Variants in SND1 observed in about 807,000 individuals in gnomAD.
SND1 encodes the protein staphylococcal nuclease and tudor domain containing 1, also known as staphylococcal nuclease domain-containing protein 1.
Under a neutral mutation model 121.7 loss-of-function variants are expected in SND1, and 38 were observed. The ratio of observed to expected loss-of-function variants is 0.31; its 90% CI spans 0.24 to 0.41. SND1 has a LOEUF of 0.41. Among genes scored for constraint, SND1 ranks in the 10% least tolerant of loss-of-function variants. The probability of loss-of-function intolerance (pLI) is 1.00; values close to 1 mark genes in which losing one functional copy is unlikely to be tolerated. For missense variants in SND1, 868 were observed against 1,184.6 expected (o/e 0.73, Z 3.92); for synonymous variants, 401 against 447.4 (o/e 0.90, Z 1.31).
intron 10 of SND1, among the ~76,000 whole-genome samples, chr7:127,790,247 G>C (rs1243158244): frequency 6.6e-6 from 1 of 152,180 alleles, no homozygotes; most frequent in Non-Finnish European, 1.5e-5. Context: ...TGGGTGAGGA[G>C]GTCACCTTGT....
intron 12 of SND1, among the ~76,000 whole-genome samples, chr7:127,880,716 G>GGGGT (rs1554438727): frequency 1.6e-4 from 24 of 149,622 alleles, no homozygotes; most frequent in African/African-American, 4.2e-4. Context: ...AGAATGCAGG[G>GGGGT]GTGTGTGTGT....
intron 20 of SND1, among the ~76,000 whole-genome samples, chr7:128,086,105 A>C (rs1793683546): frequency 6.6e-6 from 1 of 152,214 alleles, no homozygotes; most frequent in Non-Finnish European, 1.5e-5. Flanking sequence ...TTACACCCAC[A>C]GTTCCTGGTG....
At chr7:127,759,648 T>C (rs1156855665) in intron 10 of SND1, among the ~76,000 whole-genome samples, 2 of 152,172 alleles carry the variant, frequency 1.3e-5, no homozygotes, top group South Asian at 2.1e-4. Flanking sequence ...ACCATCTCAG[T>C]TGATAAGCTC....
At chr7:127,815,292 A>G (rs1476780306) in intron 11 of SND1, among the ~76,000 whole-genome samples, 2 of 152,088 alleles carry the variant, frequency 1.3e-5, no homozygotes, top group Admixed American at 1.3e-4. Flanking sequence ...ATACTGGATT[A>G]TGATGGACCC....
intron 16 of SND1, among the ~76,000 whole-genome samples, chr7:128,012,027 T>C (rs1232929067): frequency 6.6e-6 from 1 of 152,206 alleles, no homozygotes; most frequent in Non-Finnish European, 1.5e-5. Flanking sequence ...AAATATATAT[T>C]AATGTTGAAG....
intron 12 of SND1, among the ~76,000 whole-genome samples, chr7:127,877,677 C>T (rs1799716084): frequency 1.3e-5 from 2 of 152,038 alleles, no homozygotes; most frequent in Admixed American, 6.6e-5. Flanking sequence ...AAGGGATCCA[C>T]CCACCTAGGC....
At chr7:127,682,336 G>A (rs1324004325) in intron 1 of SND1, among the ~76,000 whole-genome samples, 2 of 152,130 alleles carry the variant, frequency 1.3e-5, no homozygotes. Flanking sequence ...CACGTGACTT[G>A]TGCCCTGAAG....
intron 1 of SND1, among the ~76,000 whole-genome samples, chr7:127,674,709 A>AG (rs1281892287): frequency 6.6e-6 from 1 of 152,204 alleles, no homozygotes; most frequent in East Asian, 1.9e-4. Flanking sequence ...TTGTTTTTGG[A>AG]GAAAAAAAAT....
At chr7:128,089,392 C>G in intron 21 of SND1, 97 bp from the exon 22 acceptor site, 1 of 1,235,344 alleles carries the variant, frequency 8.1e-7, no homozygotes, top group Non-Finnish European at 1.1e-6. Context: ...ATTACAGGCC[C>G]CTGCTGGCCA....
At chr7:127,694,801 A>AT (rs1411336970) in intron 2 of SND1, 27 bp from the exon 3 acceptor site, 1 of 1,612,552 alleles carries the variant, frequency 6.2e-7, no homozygotes, top group African/African-American at 1.3e-5. Context: ...GGCAGTTCTC[A>AT]TGTGACATAT....
Position 128,085,633 on chromosome 7 carries a change from G to T in SND1, c.2235-78G>T. 1 of 1,281,968 alleles carries T rather than the reference G, an allele frequency of 7.8e-7. No individual in the cohort carries two copies. The highest frequency in any genetic ancestry group is 1.1e-6 in the Non-Finnish European group (1 of 882,802). The allele number at this position is 1,281,968 out of a possible 1,614,324, so 79.4% of individuals were successfully genotyped here. Reference sequence around the variant, plus strand: ...CCAGGCAGGGAAATGCTGTGCCCCTGCCCCGCCATTGCTGAGGCTCTGGGA... The same window carrying T: ...CCAGGCAGGGAAATGCTGTGCCCCTTCCCCGCCATTGCTGAGGCTCTGGGA... On this transcript the variant is annotated intron_variant, in intron 19 of 23. Coordinates refer to ENST00000354725, the MANE Select transcript of SND1 (RefSeq NM_014390.4). The surrounding 1 kb of genome is among the most constrained non-coding windows in gnomAD (Gnocchi z 4.4).
At chr7:127,663,757 T>A (rs1187985669) in intron 1 of SND1, among the ~76,000 whole-genome samples, 7 of 152,152 alleles carry the variant, frequency 4.6e-5, no homozygotes, top group Non-Finnish European at 1.0e-4. Context: ...GAGTAGATCC[T>A]TTTTGGCTTT....
intron 15 of SND1, among the ~76,000 whole-genome samples, chr7:127,961,777 A>G (rs1801736501): frequency 6.6e-6 from 1 of 152,216 alleles, no homozygotes; most frequent in Admixed American, 6.5e-5. Flanking sequence ...ATCAGTGCAA[A>G]TGCCAGTGTC....
At chr7:127,816,358 G>A (rs1798441309) in intron 11 of SND1, among the ~76,000 whole-genome samples, 1 of 152,174 alleles carries the variant, frequency 6.6e-6, no homozygotes, top group Non-Finnish European at 1.5e-5. Flanking sequence ...TTTACATAGA[G>A]CATTATGTGG....
intron 12 of SND1, among the ~76,000 whole-genome samples, chr7:127,876,837 G>T (rs1034046679): frequency 2.0e-5 from 3 of 152,076 alleles, no homozygotes; most frequent in Non-Finnish European, 4.4e-5. Flanking sequence ...GGACATTACC[G>T]CATGTTCTGT....
intron 12 of SND1, among the ~76,000 whole-genome samples, chr7:127,883,237 G>T (rs549354653): frequency 1.3e-5 from 2 of 152,214 alleles, no homozygotes; most frequent in East Asian, 3.9e-4. Flanking sequence ...TAGTGAAACC[G>T]TGGGGTCCAA....
At chr7:128,031,455 CGA>C (rs1792599100) in intron 16 of SND1, 1 of 151,712 alleles carries the variant, frequency 6.6e-6, no homozygotes, top group Non-Finnish European at 1.5e-5. Flanking sequence ...CGCGGAGCGG[CGA>C]GAGTTAAGAG....
chr7:127,773,865 A>T (rs1327994482), intron 10 of SND1, among the ~76,000 whole-genome samples: 1 of 152,212 alleles, frequency 6.6e-6, no homozygotes, highest in African/African-American at 2.4e-5. Context: ...GTTCCATAAG[A>T]TTACATTGGA....
chr7:127,921,309 C>CT (rs755900384), intron 14 of SND1, among the ~76,000 whole-genome samples: 1 of 152,070 alleles, frequency 6.6e-6, no homozygotes, highest in East Asian at 1.9e-4. Flanking sequence ...ACCAGTGAGA[C>CT]TTTTTTTCTG....
Sources: gnomAD v4.1 joint callset for allele counts (sites outside exome capture counted in the v4.1 genomes callset) on GRCh38, gnomAD v4.1.1 for gene constraint, Gnocchi (gnomAD v3.1) non-coding constraint, MANE v1.5 for transcripts, NCBI Gene and HGNC (gene_info 2026-07-23, HGNC 2026-07-21) for gene names.